HMGB1: variants seen among roughly 807,000 people sequenced by gnomAD.
HMGB1 encodes the protein high mobility group protein B1.
For synonymous variants in HMGB1, 81 were observed against 84.0 expected, an observed-to-expected ratio of 0.96 and a Z score of 0.19; for missense variants, 79 against 253.5, an observed-to-expected ratio of 0.31 and a Z score of 4.67.
intron 1 of HMGB1, among the ~76,000 whole-genome samples, chr13:30,586,858 C>A (rs187389289): frequency 6.6e-6 from 1 of 152,164 alleles, no homozygotes; most frequent in East Asian, 1.9e-4. Context: ...TCAAAATAAA[C>A]CTCGTGACTT....
chr13:30,553,959 T>C, intron 1 of HMGB1: 1 of 1,479,890 alleles, frequency 6.8e-7, no homozygotes, highest in Non-Finnish European at 9.4e-7. Flanking sequence ...GTGCTGCCAT[T>C]TCTGGCTTAC....
At chr13:30,552,603 A>G (rs1473625203) in intron 1 of HMGB1, among the ~76,000 whole-genome samples, 1 of 152,076 alleles carries the variant, frequency 6.6e-6, no homozygotes, top group African/African-American at 2.4e-5. Flanking sequence ...ACACTATCAT[A>G]TTGTCTATTT....
intron 1 of HMGB1, chr13:30,553,833 G>A: frequency 7.4e-7 from 1 of 1,357,594 alleles, no homozygotes; most frequent in African/African-American, 1.4e-5. Flanking sequence ...AAGCCCATAT[G>A]ATCACAGTCG....
chr13:30,468,542 C>G (rs893755912), upstream of HMGB1, among the ~76,000 whole-genome samples: 1 of 152,162 alleles, frequency 6.6e-6, no homozygotes, highest in Non-Finnish European at 1.5e-5. Flanking sequence ...GCATGAGCCA[C>G]TGCACCCGGC....
chr13:30,567,906 A>T (rs560652508), intron 1 of HMGB1, among the ~76,000 whole-genome samples: 1 of 152,362 alleles, frequency 6.6e-6, no homozygotes, highest in East Asian at 1.9e-4. Context: ...CACTTGAAGA[A>T]GACAATTAGG....
chr13:30,505,026 A>G (rs1887819587), intron 1 of HMGB1, among the ~76,000 whole-genome samples: 1 of 151,930 alleles, frequency 6.6e-6, no homozygotes, highest in Non-Finnish European at 1.5e-5. Flanking sequence ...GCTGGAGTGC[A>G]GTGGTGTGAT....
chr13:30,564,388 C>T (rs2137528069), intron 1 of HMGB1, among the ~76,000 whole-genome samples: 1 of 151,866 alleles, frequency 6.6e-6, no homozygotes, highest in African/African-American at 2.4e-5. Flanking sequence ...ATCATTTGAA[C>T]CCAGGAGGCA....
At chr13:30,564,198 C>T (rs1188181816) in intron 1 of HMGB1, among the ~76,000 whole-genome samples, 1 of 149,728 alleles carries the variant, frequency 6.7e-6, no homozygotes, top group Admixed American at 6.7e-5. Flanking sequence ...TCTGGGAGGC[C>T]GCGGTGAGCG....
chr13:30,606,391 A>G (rs912207030), intron 1 of HMGB1, among the ~76,000 whole-genome samples: 1 of 152,202 alleles, frequency 6.6e-6, no homozygotes, highest in African/African-American at 2.4e-5. Context: ...TATATTCAGA[A>G]AAAAACTACT....
intron 1 of HMGB1, among the ~76,000 whole-genome samples, chr13:30,581,613 C>G (rs915880429): frequency 6.6e-6 from 1 of 152,134 alleles, no homozygotes; most frequent in African/African-American, 2.4e-5. Context: ...TGATTAAGAA[C>G]AGAACCACAA....
At chr13:30,579,048 T>C (rs544031203) in intron 1 of HMGB1, among the ~76,000 whole-genome samples, 2 of 152,224 alleles carry the variant, frequency 1.3e-5, no homozygotes, top group South Asian at 4.1e-4. Flanking sequence ...TCTTGCCCAT[T>C]TGAATCCAAG....
At chr13:30,537,689 A>ATATATATATATG (rs1868517434) in intron 1 of HMGB1, among the ~76,000 whole-genome samples, 1 of 119,344 alleles carries the variant, frequency 8.4e-6, no homozygotes, top group Non-Finnish European at 1.7e-5. Context: ...ATATATATAT[A>ATATATATATATG]TATATATAAA....
intron 1 of HMGB1, among the ~76,000 whole-genome samples, chr13:30,478,132 T>G (rs2137428132): frequency 6.6e-6 from 1 of 152,310 alleles, no homozygotes; most frequent in African/African-American, 2.4e-5. Flanking sequence ...TTGAACACAC[T>G]CATGGCATTT....
At chr13:30,490,002 A>G (rs1049207534) in intron 1 of HMGB1, among the ~76,000 whole-genome samples, 1 of 142,824 alleles carries the variant, frequency 7.0e-6, no homozygotes, top group Admixed American at 7.6e-5. Flanking sequence ...TTGGGATTAC[A>G]GGCATCAGCC....
Position 30,562,822 on chromosome 13 carries a change from CA to C in HMGB1, c.-15+53848del, listed in dbSNP as rs949630963. On this transcript the variant is annotated intron_variant, in intron 1 of 4. Coordinates refer to the HMGB1 transcript ENST00000405805. ...CGCTTGGCCTTGATAACTAGCCAAT[CA>C]GGGGGAAAGATTCTGGTTTCCTCTG... Among the ~76,000 whole-genome samples the C allele has an allele frequency of 5.3e-5, 8 of 152,282 alleles. No individual in the cohort carries two copies. The South Asian group carries it at 6.2e-4, about 12-fold the overall frequency.
At chr13:30,481,495 C>T (rs1286151242) in intron 1 of HMGB1, among the ~76,000 whole-genome samples, 2 of 152,220 alleles carry the variant, frequency 1.3e-5, no homozygotes, top group Non-Finnish European at 2.9e-5. Context: ...AGAAAGAATG[C>T]GTATCTCCAA....
upstream of HMGB1, among the ~76,000 whole-genome samples, chr13:30,468,694 A>C (rs2137416837): frequency 6.6e-6 from 1 of 152,316 alleles, no homozygotes; most frequent in Non-Finnish European, 1.5e-5. Context: ...CAGGCAATTC[A>C]TTTCTTATAT....
At chr13:30,488,715 C>T (rs1442147867) in intron 1 of HMGB1, among the ~76,000 whole-genome samples, 1 of 149,566 alleles carries the variant, frequency 6.7e-6, no homozygotes, top group Non-Finnish European at 1.5e-5. Context: ...TACAGGGTCT[C>T]ACTATGTTGC....
intron 1 of HMGB1, among the ~76,000 whole-genome samples, chr13:30,609,174 A>C (rs1163666779): frequency 6.6e-6 from 1 of 152,172 alleles, no homozygotes; most frequent in African/African-American, 2.4e-5. Context: ...GAGGCAGGAG[A>C]ATGGCGTGAA....
Sources: allele counts gnomAD v4.1 joint callset (sites outside exome capture counted in the v4.1 genomes callset), GRCh38; gene constraint gnomAD v4.1.1; transcripts MANE v1.5; gene names NCBI Gene and HGNC (gene_info 2026-07-23, HGNC 2026-07-21).